PKNOX2: variants seen among roughly 807,000 people sequenced by gnomAD.
PKNOX2 encodes PBX/knotted 1 homeobox 2.
Under a neutral mutation model 53.1 loss-of-function variants are expected in PKNOX2, and 14 were observed. The observed-to-expected ratio is 0.26, with a 90% CI of 0.17 to 0.41. The LOEUF is 0.41. PKNOX2 is among the 10% of genes least tolerant of loss of function. PKNOX2 has a pLI of 1.00. For synonymous variants in PKNOX2, 257 were observed against 242.8 expected (o/e 1.06, Z -0.54); for missense variants, 496 against 602.8 (o/e 0.82, Z 1.85).
At chr11:125,185,855 G>T (rs1956417017) in intron 1 of PKNOX2, among the ~76,000 whole-genome samples, 1 of 152,114 alleles carries the variant, frequency 6.6e-6, no homozygotes, top group Non-Finnish European at 1.5e-5. Flanking sequence ...TATCATTTGA[G>T]TCCCTGTTTT....
intron 1 of PKNOX2, among the ~76,000 whole-genome samples, chr11:125,219,943 T>C (rs920237998): frequency 6.6e-6 from 1 of 152,230 alleles, no homozygotes; most frequent in Non-Finnish European, 1.5e-5. Context: ...GACATATGTC[T>C]AAGTACCTTC....
chr11:125,334,587 G>GT (rs200038202), intron 3 of PKNOX2, among the ~76,000 whole-genome samples: 1,497 of 131,350 alleles, frequency 0.011, 16 homozygotes, highest in East Asian at 0.034. Context: ...TTAAGTTTTC[G>GT]TTTTTTTTTT....
Position 125,255,081 on chromosome 11 carries a change from C to T in PKNOX2, c.-130+19966C>T, listed in dbSNP as rs115108110. 4.5e-4 allele frequency among the ~76,000 whole-genome samples: 69 copies of T among 152,334 alleles called. 1 individual carries two copies. Among genetic ancestry groups the T allele is most frequent in the African/African-American group, 1.6e-3 (68 of 41,574 alleles). On this transcript the variant is annotated intron_variant, in intron 2 of 12. Coordinates refer to ENST00000298282, the MANE Select transcript of PKNOX2 (RefSeq NM_001382323.2). Reference sequence around the variant, plus strand: ...GTCTAGCAAGTATTCCAGATTAATGCCCATTTACCACCATTTTATAGATGA... The same window carrying T: ...GTCTAGCAAGTATTCCAGATTAATGTCCATTTACCACCATTTTATAGATGA...
chr11:125,299,212 G>A (rs1947864748), intron 2 of PKNOX2, among the ~76,000 whole-genome samples: 1 of 152,118 alleles, frequency 6.6e-6, no homozygotes, highest in Admixed American at 6.5e-5. Context: ...TCATTCCCAT[G>A]GGGAGAGCAC....
At chr11:125,361,904 C>T (rs1951945625) in intron 4 of PKNOX2, among the ~76,000 whole-genome samples, 1 of 152,238 alleles carries the variant, frequency 6.6e-6, no homozygotes, top group Admixed American at 6.5e-5. Flanking sequence ...GGCCTCCAGG[C>T]TCCTCATAGC....
Position 125,370,732 on chromosome 11 carries a change from G to A in PKNOX2, c.227+2747G>A, listed in dbSNP as rs527960769. Among the ~76,000 whole-genome samples, 83 of 152,354 alleles carry A rather than the reference G, an allele frequency of 5.4e-4. No individual in the cohort carries two copies. The highest frequency in any genetic ancestry group is 1.9e-3 in the African/African-American group (77 of 41,588). On this transcript the variant is annotated intron_variant, in intron 5 of 12. Coordinates refer to ENST00000298282, the MANE Select transcript of PKNOX2 (RefSeq NM_001382323.2). This position sits in a 1 kb window ranked among gnomAD's most constrained non-coding sequence, Gnocchi z 4.1. ...CCGCCCTCTCTGCAGCCATTGCCCC[G>A]GGATGACCAGGGAGGGAGCTCAGCC...
At chr11:125,386,637 G>C (rs1953651799) in intron 6 of PKNOX2, among the ~76,000 whole-genome samples, 2 of 151,816 alleles carry the variant, frequency 1.3e-5, no homozygotes, top group South Asian at 4.2e-4. Context: ...CTTGCATTTA[G>C]AGTTTAACTG....
Position 125,431,343 on chromosome 11 carries a change from C to A in PKNOX2, c.1370C>A (p.Thr457Lys), listed in dbSNP as rs762099105. The change falls in exon 13 of 13, where the codon ACG (threonine) becomes AAG (lysine). Residue 457 changes from threonine (T) to lysine (K), a missense_variant. Thr to Lys is a moderately conservative substitution (Grantham distance 78). Transcript: ENST00000298282. ...GAGGAGGAGGTCGACGAGCTGCAGACGACAAATGTCAGCGACCTGGGCTTG... is the reference window on the plus strand; with the variant it reads ...GAGGAGGAGGTCGACGAGCTGCAGAAGACAAATGTCAGCGACCTGGGCTTG... ...ELEEEVDELQ[T>K]TNVSDLGLEH... 11 of 1,613,436 alleles carry A rather than the reference C, an allele frequency of 6.8e-6. No individual in the cohort carries two copies. In the East Asian group the frequency reaches 2.5e-4, roughly 36 times the overall value.
chr11:125,194,328 C>T (rs1422101580), intron 1 of PKNOX2, among the ~76,000 whole-genome samples: 1 of 152,224 alleles, frequency 6.6e-6, no homozygotes, highest in Non-Finnish European at 1.5e-5. Context: ...CAATAATCCT[C>T]TCCTGGTCTT....
intron 3 of PKNOX2, among the ~76,000 whole-genome samples, chr11:125,348,130 G>A (rs1951091754): frequency 6.6e-6 from 1 of 152,182 alleles, no homozygotes; most frequent in Non-Finnish European, 1.5e-5. Context: ...GGCTCAAAGA[G>A]TTCCCCCACA....
chr11:125,194,961 G>A (rs1374654567), intron 1 of PKNOX2, among the ~76,000 whole-genome samples: 1 of 152,092 alleles, frequency 6.6e-6, no homozygotes, highest in African/African-American at 2.4e-5. Flanking sequence ...CCTTCCTGAC[G>A]CTCTTAGGAG....
At chr11:125,378,554 A>G (rs1355294340) in intron 5 of PKNOX2, among the ~76,000 whole-genome samples, 2 of 152,098 alleles carry the variant, frequency 1.3e-5, no homozygotes, top group African/African-American at 4.8e-5. Context: ...AGAGGGTGAG[A>G]ATGGCTGTAA....
intron 1 of PKNOX2, among the ~76,000 whole-genome samples, chr11:125,207,441 G>A (rs1298078742): frequency 1.3e-5 from 2 of 152,002 alleles, no homozygotes; most frequent in Admixed American, 1.3e-4. Flanking sequence ...AGAGCGGGAG[G>A]AGCAGTGGAC....
chr11:125,401,230 A>G (rs1466251563), intron 7 of PKNOX2, among the ~76,000 whole-genome samples: 1 of 152,170 alleles, frequency 6.6e-6, no homozygotes, highest in African/African-American at 2.4e-5. Context: ...AGAGAGAGAC[A>G]GGGAGGCACA....
intron 6 of PKNOX2, among the ~76,000 whole-genome samples, chr11:125,391,054 G>A (rs1048444596): frequency 2.0e-5 from 3 of 152,194 alleles, no homozygotes; most frequent in South Asian, 4.1e-4. Context: ...GCACGTTAAG[G>A]AATGTGTGTT....
At chr11:125,184,746 C>T (rs1216747041) in intron 1 of PKNOX2, among the ~76,000 whole-genome samples, 2 of 152,174 alleles carry the variant, frequency 1.3e-5, no homozygotes, top group Admixed American at 6.5e-5. Context: ...CTTTCCTGGC[C>T]TTGTGTCGGA....
chr11:125,219,694 A>T (rs1251415401), intron 1 of PKNOX2, among the ~76,000 whole-genome samples: 1 of 152,240 alleles, frequency 6.6e-6, no homozygotes, highest in Non-Finnish European at 1.5e-5. Context: ...AATGCAAATT[A>T]AAACTATCCT....
intron 1 of PKNOX2, among the ~76,000 whole-genome samples, chr11:125,229,865 A>G (rs1319474073): frequency 6.6e-6 from 1 of 152,194 alleles, no homozygotes; most frequent in Non-Finnish European, 1.5e-5. Context: ...CACACCACCC[A>G]GTGTATGTGA....
At chr11:125,269,540 G>T (rs894440359) in intron 2 of PKNOX2, among the ~76,000 whole-genome samples, 16 of 152,354 alleles carry the variant, frequency 1.1e-4, no homozygotes, top group African/African-American at 3.4e-4. Flanking sequence ...CCTGACTGCT[G>T]ACACTGGCAG....
Sources: allele counts gnomAD v4.1 joint callset (sites outside exome capture counted in the v4.1 genomes callset), GRCh38; gene constraint gnomAD v4.1.1; non-coding constraint Gnocchi (gnomAD v3.1); transcripts MANE v1.5; gene names NCBI Gene and HGNC (gene_info 2026-07-23, HGNC 2026-07-21).